Variants in FSHR observed in about 807,000 individuals in gnomAD.
FSHR encodes follicle-stimulating hormone receptor.
In FSHR, 46 loss-of-function variants were observed where a neutral mutation model predicts 52.1. The ratio of observed to expected loss-of-function variants is 0.88; its 90% CI spans 0.70 to 1.13. The LOEUF (loss-of-function observed/expected upper bound fraction) is 1.13, where lower values mean the gene tolerates loss of function less well. FSHR is among the 50% of genes most tolerant of loss of function. The pLI is 0.00. For missense variants in FSHR, 964 were observed against 834.6 expected (o/e 1.16, Z -1.91); for synonymous variants, 399 against 309.6 (o/e 1.29, Z -3.03).
intron 2 of FSHR, among the ~76,000 whole-genome samples, chr2:49,025,087 A>G (rs1295064060): frequency 2.6e-5 from 4 of 152,226 alleles, no homozygotes; most frequent in African/African-American, 9.6e-5. Flanking sequence ...TTGCTTTTGT[A>G]CAATAAAACC....
At chr2:48,976,529 G>A (rs10168582) in intron 8 of FSHR, among the ~76,000 whole-genome samples, 22,457 of 152,056 alleles carry the variant, frequency 0.15, 1,861 homozygotes, top group East Asian at 0.25. Context: ...CTCTTTTTCT[G>A]TTGTTTGGAA....
chr2:49,092,871 G>T (rs528259603), intron 1 of FSHR, among the ~76,000 whole-genome samples: 56 of 152,160 alleles, frequency 3.7e-4, no homozygotes, highest in Middle Eastern at 3.4e-3. Context: ...TCACCATGTT[G>T]GGCAGGCTGG....
At chr2:48,999,878 G>A (rs1258422867) in intron 4 of FSHR, among the ~76,000 whole-genome samples, 1 of 152,136 alleles carries the variant, frequency 6.6e-6, no homozygotes, top group South Asian at 2.1e-4. Flanking sequence ...TCCTGAGTTT[G>A]GTGTTTCCTA....
chr2:49,097,634 C>T (rs762553459), intron 1 of FSHR, among the ~76,000 whole-genome samples: 1 of 152,068 alleles, frequency 6.6e-6, no homozygotes, highest in Admixed American at 6.6e-5. Context: ...TATCTCTGAG[C>T]AAGGGCTGGA....
chr2:48,979,783 G>A (rs867521125), intron 8 of FSHR, among the ~76,000 whole-genome samples: 4 of 151,990 alleles, frequency 2.6e-5, no homozygotes, highest in South Asian at 4.2e-4. Flanking sequence ...TAAACCTCCC[G>A]CATGCAGATA....
chr2:49,017,662 C>T (rs1427899958), intron 3 of FSHR, 99 bp from the exon 4 acceptor site: 1 of 827,218 alleles, frequency 1.2e-6, no homozygotes, highest in Non-Finnish European at 2.1e-6. Flanking sequence ...TTCATCCCAT[C>T]CACTCATCCA....
At chr2:49,018,499 C>A (rs1371205395) in intron 3 of FSHR, among the ~76,000 whole-genome samples, 1 of 152,210 alleles carries the variant, frequency 6.6e-6, no homozygotes, top group Non-Finnish European at 1.5e-5. Flanking sequence ...GTGAGCACCT[C>A]TTTATGCAAG....
intron 1 of FSHR, among the ~76,000 whole-genome samples, chr2:49,098,885 T>C (rs1670924458): frequency 6.8e-6 from 1 of 147,030 alleles, no homozygotes. Flanking sequence ...ATTATCCATA[T>C]ATTATACTTA....
intron 1 of FSHR, among the ~76,000 whole-genome samples, chr2:49,098,096 T>G (rs868640980): frequency 4.5e-4 from 68 of 152,312 alleles, no homozygotes; most frequent in African/African-American, 1.5e-3. Context: ...CCAAATAATT[T>G]ATTTTAGTTT....
intron 1 of FSHR, among the ~76,000 whole-genome samples, chr2:49,096,650 A>G (rs1670831456): frequency 6.6e-6 from 1 of 152,202 alleles, no homozygotes; most frequent in Non-Finnish European, 1.5e-5. Flanking sequence ...TGCTAATACT[A>G]AAATGTTCAA....
chr2:48,983,626 C>A (rs915762402), intron 6 of FSHR, among the ~76,000 whole-genome samples: 4 of 152,168 alleles, frequency 2.6e-5, no homozygotes, highest in African/African-American at 9.7e-5. Flanking sequence ...CCATGATCAC[C>A]CACAGCAGCA....
intron 1 of FSHR, among the ~76,000 whole-genome samples, chr2:49,109,683 C>G (rs1410226352): frequency 6.6e-6 from 1 of 152,116 alleles, no homozygotes; most frequent in East Asian, 1.9e-4. Flanking sequence ...CTGCATCTAC[C>G]ACAAGCCTGC....
At chr2:49,050,893 C>T (rs1258363146) in intron 2 of FSHR, among the ~76,000 whole-genome samples, 1 of 152,064 alleles carries the variant, frequency 6.6e-6, no homozygotes, top group African/African-American at 2.4e-5. Context: ...CCAGACAATC[C>T]CTAACACCAC....
chr2:49,106,223 T>A (rs192383489), intron 1 of FSHR, among the ~76,000 whole-genome samples: 1 of 152,086 alleles, frequency 6.6e-6, no homozygotes, highest in Admixed American at 6.5e-5. Flanking sequence ...AAGATGACAT[T>A]TGAAGTGCAA....
At chr2:49,109,572 GAC>G (rs1370305648) in intron 1 of FSHR, among the ~76,000 whole-genome samples, 2 of 152,228 alleles carry the variant, frequency 1.3e-5, no homozygotes, top group East Asian at 3.9e-4. Flanking sequence ...GGACTGGGGG[GAC>G]AGTGTGGTGA....
At chr2:49,127,210 C>T (rs1672033064) in intron 1 of FSHR, among the ~76,000 whole-genome samples, 1 of 151,948 alleles carries the variant, frequency 6.6e-6, no homozygotes, top group Admixed American at 6.6e-5. Context: ...CACCTGTAAT[C>T]CCAGCTACTT....
intron 4 of FSHR, 146 bp from the exon 5 acceptor site, chr2:48,990,783 C>A: frequency 1.5e-6 from 1 of 659,910 alleles, no homozygotes; most frequent in Non-Finnish European, 2.7e-6. Context: ...GAATTAGGCT[C>A]ATGTTTTCTA....
intron 1 of FSHR, among the ~76,000 whole-genome samples, chr2:49,146,279 AG>A (rs1672866233): frequency 1.3e-5 from 2 of 152,068 alleles, no homozygotes; most frequent in South Asian, 4.1e-4. Flanking sequence ...GCTTTCTTAA[AG>A]GGACAGAATA....
At chr2:49,112,599 C>A (rs1671461280) in intron 1 of FSHR, among the ~76,000 whole-genome samples, 2 of 152,156 alleles carry the variant, frequency 1.3e-5, no homozygotes, top group African/African-American at 2.4e-5. Flanking sequence ...TCTTTGAAGT[C>A]TTTAAGCAGA....
Sources: gnomAD v4.1 joint callset for allele counts (sites outside exome capture counted in the v4.1 genomes callset) on GRCh38, gnomAD v4.1.1 for gene constraint, MANE v1.5 for transcripts, NCBI Gene and HGNC (gene_info 2026-07-23, HGNC 2026-07-21) for gene names.